The following TMEM163 variants were observed in gnomAD, a reference collection of about 807,000 sequenced individuals.
The protein encoded by TMEM163 is transmembrane protein 163.
TMEM163 carries 17 observed loss-of-function variants against 29.3 expected under a neutral mutation model. The ratio of observed to expected loss-of-function variants is 0.58; its 90% CI spans 0.40 to 0.87. The LOEUF (loss-of-function observed/expected upper bound fraction) is 0.87. Among genes scored for constraint, TMEM163 ranks in the 40% least tolerant of loss-of-function variants. The probability of loss-of-function intolerance (pLI) is 0.00; values close to 1 mark genes in which losing one functional copy is unlikely to be tolerated. For missense variants in TMEM163, 303 were observed against 381.5 expected (o/e 0.79, Z 1.71); for synonymous variants, 157 against 160.6 (o/e 0.98, Z 0.17).
chr2:134,546,591 C>G (rs1401801388), intron 4 of TMEM163, among the ~76,000 whole-genome samples: 1 of 151,488 alleles, frequency 6.6e-6, no homozygotes, highest in Non-Finnish European at 1.5e-5. Context: ...TTGCAGTGAG[C>G]CAAGATTGTG....
Position 134,718,873 on chromosome 2 carries a change from G to GGGC in TMEM163, c.60_62dup (p.Pro21dup), listed in dbSNP as rs1049702400. On this transcript the variant is annotated inframe_insertion, in exon 1 of 8. Coordinates refer to ENST00000281924, the MANE Select transcript of TMEM163 (RefSeq NM_030923.5). Reference sequence around the variant, plus strand: ...CGGCAGCCGGTGGCGCGTGGCCCCGGGGCGGCGGCGGGACGGTGGGCCCCT... The same window carrying GGGC: ...CGGCAGCCGGTGGCGCGTGGCCCCGGGGCGGCGGCGGCGGGACGGTGGGCCCCT... The GGGC allele has an allele frequency of 2.0e-5, 22 of 1,102,458 alleles. No individual in the cohort carries two copies. Among genetic ancestry groups the GGGC allele is most frequent in the Admixed American group, 5.1e-5 (1 of 19,556 alleles). 68.3% of individuals were successfully genotyped at this position (1,102,458 alleles called of 1,614,324 possible). A position where few individuals can be genotyped will look rare whatever the true frequency, so the allele number is the denominator to read the frequency against.
chr2:134,662,328 A>T (rs1243130264), intron 2 of TMEM163, among the ~76,000 whole-genome samples: 1 of 152,178 alleles, frequency 6.6e-6, no homozygotes, highest in Non-Finnish European at 1.5e-5. Context: ...TGATGTTTTG[A>T]ACTGGGTAAA....
intron 2 of TMEM163, among the ~76,000 whole-genome samples, chr2:134,659,012 G>A (rs58290425): frequency 0.15 from 22,776 of 152,170 alleles, 2,517 homozygotes; most frequent in African/African-American, 0.31. Flanking sequence ...TTCTATCATT[G>A]TGCAAACATC....
At chr2:134,718,645 C>A in intron 1 of TMEM163, 89 bp downstream of exon 1, 3 of 1,001,794 alleles carry the variant, frequency 3.0e-6, no homozygotes, top group Non-Finnish European at 2.4e-6. Flanking sequence ...CCGAGCCCCG[C>A]GCCTCGCCCA....
At chr2:134,561,244 C>A (rs1681174195) in intron 2 of TMEM163, among the ~76,000 whole-genome samples, 1 of 152,246 alleles carries the variant, frequency 6.6e-6, no homozygotes, top group Non-Finnish European at 1.5e-5. Context: ...CGCTCTGTCG[C>A]CCAGGCTGGA....
Position 134,701,026 on chromosome 2 carries a change from G to T in TMEM163, c.322+12174C>A, listed in dbSNP as rs552496516. On this transcript the variant is annotated intron_variant, in intron 2 of 7. Coordinates refer to ENST00000281924, the MANE Select transcript of TMEM163 (RefSeq NM_030923.5). ...CCCTCCAGAAAACTAGATGAATGCA[G>T]ATGCATGGGGCATAGAGACGGTCCA... Among the ~76,000 whole-genome samples, 12 of 151,800 alleles carry T rather than the reference G, an allele frequency of 7.9e-5. No individual in the cohort carries two copies. The East Asian group carries it at 2.1e-3, about 27-fold the overall frequency.
intron 2 of TMEM163, among the ~76,000 whole-genome samples, chr2:134,559,448 A>T (rs1681119092): frequency 6.6e-6 from 1 of 152,214 alleles, no homozygotes; most frequent in African/African-American, 2.4e-5. Context: ...CCAGGTTCTC[A>T]AAGCCAAAAC....
chr2:134,568,642 A>C (rs941520221), intron 2 of TMEM163, among the ~76,000 whole-genome samples: 14 of 151,854 alleles, frequency 9.2e-5, no homozygotes, highest in Non-Finnish European at 1.5e-4. Context: ...GAAGAAAAAG[A>C]AAAGGAGAAA....
chr2:134,668,226 C>T (rs1028139422), intron 2 of TMEM163, among the ~76,000 whole-genome samples: 22 of 152,118 alleles, frequency 1.4e-4, no homozygotes, highest in African/African-American at 4.8e-4. Context: ...ACCATGTGTC[C>T]CCAGTTGGCA....
At chr2:134,633,963 ATACATATATATATATATAT>A (rs1179730080) in intron 2 of TMEM163, among the ~76,000 whole-genome samples, 13 of 85,028 alleles carry the variant, frequency 1.5e-4, no homozygotes, top group African/African-American at 5.2e-4. Context: ...CAAAAAAAAA[ATACATATATATATATATAT>A]ATATATATAT....
chr2:134,622,129 G>A lies in TMEM163; in HGVS notation c.323-70038C>T, dbSNP rs138792286. ...ATAAAAGGCAAACTCTACAGAAACC[G>A]AAAGCAGATCTGTGGTTACTCGAAG... On this transcript the variant is annotated intron_variant, in intron 2 of 7. Coordinates refer to ENST00000281924, the MANE Select transcript of TMEM163 (RefSeq NM_030923.5). Among the ~76,000 whole-genome samples the A allele has an allele frequency of 1.1e-3, 166 of 152,236 alleles. 2 individuals carry two copies. In the East Asian group the frequency reaches 0.013, roughly 12 times the overall value.
rs1685098750 is a variant in TMEM163 at position 134,718,830 on chromosome 2, G to T, written c.106C>A (p.Leu36Met). 8.9e-7 allele frequency: 1 copy of T among 1,129,276 alleles called. No homozygotes were observed. The highest frequency in any genetic ancestry group is 1.1e-6 in the Non-Finnish European group (1 of 922,916). The allele number at this position is 1,129,276 out of a possible 1,614,324, so 70.0% of individuals were successfully genotyped here. Residue 36 changes from leucine (L) to methionine (M), a missense_variant, in exon 1 of 8, where the codon CTG becomes ATG. Physicochemically the swap from Leu to Met is conservative, Grantham distance 15. Transcript: ENST00000281924. ...GGCGGCTCGCGCACCGGGGAGCTCA[G>T]CGGGGCCGGGCCGGGGGCGGCAGCC... ...PPAAAPGPAPLSSPVREPPQL... is the reference protein window; with the variant it reads ...PPAAAPGPAPMSSPVREPPQL...
At chr2:134,483,590 G>A (rs1005551712) in intron 5 of TMEM163, among the ~76,000 whole-genome samples, 1 of 152,088 alleles carries the variant, frequency 6.6e-6, no homozygotes, top group Non-Finnish European at 1.5e-5. Flanking sequence ...AAACATAACT[G>A]TCACAAGACC....
chr2:134,716,409 T>C (rs1430894328), intron 1 of TMEM163, among the ~76,000 whole-genome samples: 1 of 152,180 alleles, frequency 6.6e-6, no homozygotes, highest in Non-Finnish European at 1.5e-5. Flanking sequence ...CTCCAAAGTC[T>C]CAAAACACTA....
Position 134,502,735 on chromosome 2 carries a change from C to T in TMEM163, c.555+166G>A, listed in dbSNP as rs189859647. The stretch of plus-strand genomic sequence containing the variant: ...AGTCTCTTCACCTTGCCCAGTGTTT[C>T]TCTCCACCAGGTCATTTGCATCCCT... On this transcript the variant is annotated intron_variant, in intron 5 of 7. Transcript: ENST00000281924. 5.3e-5 allele frequency among the ~76,000 whole-genome samples: 8 copies of T among 152,316 alleles called. 1 individual carries two copies. The highest frequency in any genetic ancestry group is 1.9e-4 in the African/African-American group (8 of 41,578).
chr2:134,713,554 A>C (rs1389515321), intron 1 of TMEM163: 1 of 661,374 alleles, frequency 1.5e-6, no homozygotes, highest in Non-Finnish European at 2.8e-6. Flanking sequence ...GCAGGGTAAC[A>C]GCAGCTGTCC....
At chr2:134,584,208 T>G (rs1404657446) in intron 2 of TMEM163, among the ~76,000 whole-genome samples, 1 of 152,240 alleles carries the variant, frequency 6.6e-6, no homozygotes, top group African/African-American at 2.4e-5. Flanking sequence ...GATATCCAAG[T>G]ATAATTTCTC....
intron 2 of TMEM163, among the ~76,000 whole-genome samples, chr2:134,569,656 C>T (rs1044857548): frequency 2.6e-5 from 4 of 151,936 alleles, no homozygotes; most frequent in Admixed American, 1.3e-4. Flanking sequence ...TACTCAGAGA[C>T]GGTTCTCAGA....
intron 6 of TMEM163, chr2:134,459,265 T>G (rs544980338): frequency 1.6e-4 from 25 of 152,422 alleles, no homozygotes; most frequent in Admixed American, 1.6e-3. Context: ...CTCACAGGAA[T>G]GGAAGATGAA....
Sources: allele counts gnomAD v4.1 joint callset (sites outside exome capture counted in the v4.1 genomes callset), GRCh38; gene constraint gnomAD v4.1.1; transcripts MANE v1.5; gene names NCBI Gene and HGNC (gene_info 2026-07-23, HGNC 2026-07-21).